The following DHX30 variants were observed in gnomAD, a reference collection of about 807,000 sequenced individuals.
DHX30 encodes the protein ATP-dependent RNA helicase DHX30.
DHX30 carries 4 observed loss-of-function variants against 116.9 expected under a neutral mutation model. That is an observed-to-expected ratio of 0.03 (90% confidence interval 0.02 to 0.08). The LOEUF is 0.08. Ranked by LOEUF, DHX30 falls within the 10% of genes least tolerant of loss-of-function variation. DHX30 has a pLI of 1.00. For missense variants in DHX30, 871 were observed against 1,595.1 expected (o/e 0.55, Z 7.73); for synonymous variants, 697 against 651.7 (o/e 1.07, Z -1.06).
rs1040368826 is a variant in DHX30 at position 47,805,437 on chromosome 3, G to A, written c.-28+17G>A. 12 of 398,916 alleles carry A rather than the reference G, an allele frequency of 3.0e-5. No homozygotes were observed. Among genetic ancestry groups the A allele is most frequent in the East Asian group, 7.1e-5 (2 of 28,086 alleles). 24.7% of individuals were successfully genotyped at this position (398,916 alleles called of 1,614,324 possible). A position where few individuals can be genotyped will look rare whatever the true frequency, so the allele number is the denominator to read the frequency against. ...TTTTATAAGGTAAGTTGATTTAGCC[G>A]TGCACAGAGCAGTGGTGGATCTGAT... On this transcript the variant is annotated intron_variant, in intron 2 of 21. Coordinates refer to ENST00000445061, the MANE Select transcript of DHX30 (RefSeq NM_138615.3).
intron 9 of DHX30, among the ~76,000 whole-genome samples, chr3:47,844,853 C>T (rs56359964): frequency 6.6e-6 from 1 of 152,168 alleles, no homozygotes; most frequent in South Asian, 2.1e-4. Flanking sequence ...GCATTATAAT[C>T]GACATTTACA....
chr3:47,827,864 A>AT (rs1313410715), intron 5 of DHX30, among the ~76,000 whole-genome samples: 1 of 151,918 alleles, frequency 6.6e-6, no homozygotes, highest in Non-Finnish European at 1.5e-5. Flanking sequence ...TATTTTATTT[A>AT]TTTTTGTAGA....
At chr3:47,811,422 T>G (rs2106944100) in intron 3 of DHX30, among the ~76,000 whole-genome samples, 1 of 152,268 alleles carries the variant, frequency 6.6e-6, no homozygotes, top group Non-Finnish European at 1.5e-5. Context: ...GATTGGAAGC[T>G]CCCTGTAGCC....
chr3:47,806,930 G>A (rs994017648), intron 2 of DHX30, among the ~76,000 whole-genome samples: 2 of 151,940 alleles, frequency 1.3e-5, no homozygotes, highest in Admixed American at 6.6e-5. Context: ...CATTATGGCC[G>A]GTCGTGGTGG....
chr3:47,838,650 C>T (rs113912398), intron 6 of DHX30, among the ~76,000 whole-genome samples: 472 of 152,316 alleles, frequency 3.1e-3, no homozygotes, highest in African/African-American at 0.011. Flanking sequence ...GCCCGTGGCC[C>T]GTGCTGTCTG....
At chr3:47,810,393 A>G (rs536118622) in intron 2 of DHX30, among the ~76,000 whole-genome samples, 1 of 152,318 alleles carries the variant, frequency 6.6e-6, no homozygotes, top group South Asian at 2.1e-4. Flanking sequence ...CTCATGATGA[A>G]ATGCATCTCC....
chr3:47,819,574 G>A (rs753857217), intron 4 of DHX30, among the ~76,000 whole-genome samples: 1 of 152,304 alleles, frequency 6.6e-6, no homozygotes, highest in African/African-American at 2.4e-5. Context: ...TGCGGATAGC[G>A]ATCAGGCCTC....
chr3:47,819,985 G>A lies in DHX30; in HGVS notation c.124+1868G>A, dbSNP rs560580848. 1.4e-4 allele frequency among the ~76,000 whole-genome samples: 22 copies of A among 152,352 alleles called. No homozygotes were observed. In the South Asian group the frequency reaches 1.4e-3, roughly 10 times the overall value. ...CCTGTCCATTGCCTCAAATAGATGT[G>A]TGCCCTCTTCTTGATGTGGTGGTTT... is the stretch of plus-strand genomic sequence containing the variant. On this transcript the variant is annotated intron_variant, in intron 4 of 21. Coordinates refer to ENST00000445061, the MANE Select transcript of DHX30 (RefSeq NM_138615.3).
intron 6 of DHX30, among the ~76,000 whole-genome samples, chr3:47,839,888 T>C (rs1026067049): frequency 6.6e-6 from 1 of 152,092 alleles, no homozygotes; most frequent in Admixed American, 6.6e-5. Flanking sequence ...TTGGCCAGGC[T>C]GGTCTCCAAC....
intron 6 of DHX30, among the ~76,000 whole-genome samples, chr3:47,833,911 T>TATATAATAATATA (rs1404368801): frequency 6.6e-6 from 1 of 152,134 alleles, no homozygotes; most frequent in Non-Finnish European, 1.5e-5. Context: ...TATAATACAG[T>TATATAATAATATA]ATTATTAATT....
intron 6 of DHX30, among the ~76,000 whole-genome samples, chr3:47,832,841 G>T (rs1576495040): frequency 6.6e-6 from 1 of 151,212 alleles, no homozygotes; most frequent in Non-Finnish European, 1.5e-5. Context: ...GTTTTGCCAT[G>T]TTGGCCAGGC....
intron 4 of DHX30, among the ~76,000 whole-genome samples, chr3:47,820,459 T>G (rs975745800): frequency 4.6e-5 from 7 of 152,224 alleles, no homozygotes; most frequent in Admixed American, 4.6e-4. Flanking sequence ...CTTGCCATTT[T>G]GACCACGTGT....
intron 6 of DHX30, among the ~76,000 whole-genome samples, chr3:47,833,537 CAAAAAAA>C (rs71070236): frequency 4.8e-5 from 3 of 62,456 alleles, no homozygotes; most frequent in African/African-American, 6.9e-5. Flanking sequence ...CTCTCTCTCT[CAAAAAAA>C]AAAAAAAAAA....
chr3:47,821,610 A>G (rs916861373), intron 4 of DHX30, among the ~76,000 whole-genome samples: 2 of 142,562 alleles, frequency 1.4e-5, no homozygotes, highest in African/African-American at 5.3e-5. Context: ...TGATTGATTG[A>G]TTGATTGAGA....
At chr3:47,838,239 G>A (rs1312218754) in intron 6 of DHX30, among the ~76,000 whole-genome samples, 1 of 152,162 alleles carries the variant, frequency 6.6e-6, no homozygotes, top group African/African-American at 2.4e-5. Flanking sequence ...ATAATCCTGC[G>A]GTTTTCACGC....
At chr3:47,814,453 A>G (rs1287320673) in intron 3 of DHX30, among the ~76,000 whole-genome samples, 2 of 150,872 alleles carry the variant, frequency 1.3e-5, no homozygotes, top group Admixed American at 6.6e-5. Flanking sequence ...AAAAAAGAAA[A>G]AAAAATTTTT....
intron 6 of DHX30, among the ~76,000 whole-genome samples, chr3:47,833,114 G>A (rs1209779777): frequency 6.6e-6 from 1 of 151,886 alleles, no homozygotes; most frequent in Non-Finnish European, 1.5e-5. Flanking sequence ...TTTATTTAAT[G>A]TGTACAGTAT....
At chr3:47,806,655 C>T (rs538492463) in intron 2 of DHX30, among the ~76,000 whole-genome samples, 2 of 152,034 alleles carry the variant, frequency 1.3e-5, no homozygotes, top group South Asian at 2.1e-4. Context: ...CCATGTTGGC[C>T]GTGCTGGTCT....
rs2035403142 is a variant in DHX30, at chr3:47,803,806, G to A, written c.-123+594G>A. On this transcript the variant is annotated intron_variant, in intron 1 of 21. Transcript: ENST00000445061. ...AGACCAAATGCATGTTGGGTCCTTT[G>A]TTTGCAGTGAACTGGAGTCCCAGGG... is the stretch of plus-strand genomic sequence containing the variant. Among the ~76,000 whole-genome samples the A allele has an allele frequency of 2.0e-5, 3 of 152,304 alleles. No homozygotes were observed. The South Asian group carries it at 6.2e-4, about 32-fold the overall frequency.
Sources: gnomAD v4.1 joint callset for allele counts (sites outside exome capture counted in the v4.1 genomes callset) on GRCh38, gnomAD v4.1.1 for gene constraint, MANE v1.5 for transcripts, NCBI Gene and HGNC (gene_info 2026-07-23, HGNC 2026-07-21) for gene names.